DNAJC10: variants seen among roughly 807,000 people sequenced by gnomAD.
DNAJC10 encodes DnaJ heat shock protein family (Hsp40) member C10.
Under a neutral mutation model 115.0 loss-of-function variants are expected in DNAJC10, and 101 were observed. The ratio of observed to expected loss-of-function variants is 0.88; its 90% CI spans 0.75 to 1.04. The LOEUF (loss-of-function observed/expected upper bound fraction) is 1.04. Ranked by LOEUF, DNAJC10 falls within the 50% of genes least tolerant of loss-of-function variation. The pLI is 0.00. For synonymous variants in DNAJC10, 307 were observed against 301.5 expected, an observed-to-expected ratio of 1.02 and a Z score of -0.19; for missense variants, 981 against 928.8, an observed-to-expected ratio of 1.06 and a Z score of -0.73.
chr2:182,730,902 T>G (rs920653509), intron 8 of DNAJC10, 128 bp from the exon 9 acceptor site: 2 of 587,982 alleles, frequency 3.4e-6, no homozygotes, highest in Admixed American at 6.9e-5. Context: ...TTTGGAAAGA[T>G]AACTGGTAAA....
At chr2:182,728,806 G>A in intron 6 of DNAJC10, 57 bp from the exon 7 acceptor site, 1 of 1,594,072 alleles carries the variant, frequency 6.3e-7, no homozygotes, top group Non-Finnish European at 8.6e-7. Flanking sequence ...CTTGGAGTGT[G>A]TTCAAGGGAA....
chr2:182,759,023 C>T (rs1000324934), intron 20 of DNAJC10, 133 bp downstream of exon 20: 5 of 1,028,284 alleles, frequency 4.9e-6, no homozygotes, highest in African/African-American at 1.6e-5. Flanking sequence ...ATTATATTAA[C>T]CAAGATAGTA....
chr2:182,768,884 G>C (rs1694484663), intron 22 of DNAJC10, among the ~76,000 whole-genome samples: 1 of 152,162 alleles, frequency 6.6e-6, no homozygotes, highest in Non-Finnish European at 1.5e-5. Flanking sequence ...GTGCAGGTTT[G>C]ATACATAGGT....
intron 6 of DNAJC10, 58 bp from the exon 7 acceptor site, chr2:182,728,805 T>C: frequency 1.3e-6 from 2 of 1,581,508 alleles, no homozygotes; most frequent in Non-Finnish European, 1.7e-6. Flanking sequence ...GCTTGGAGTG[T>C]GTTCAAGGGA....
chr2:182,717,986 A>G lies in DNAJC10; in HGVS notation c.-101A>G, dbSNP rs1383002595. ...ATTTGTGATGCTTGATTCACCCTTG[A>G]AGTAATGTAGACAGAAGTTCTCAAA... On this transcript the variant is annotated 5_prime_UTR_variant, in exon 3 of 24. Transcript: ENST00000264065. 1 of 754,372 alleles carries G rather than the reference A, an allele frequency of 1.3e-6. No homozygotes were observed. The highest frequency in any genetic ancestry group is 2.7e-5 in the East Asian group (1 of 36,658). The allele number at this position is 754,372 out of a possible 1,614,324, so 46.7% of individuals were successfully genotyped here.
chr2:182,750,552 T>A (rs1025668796), intron 14 of DNAJC10, among the ~76,000 whole-genome samples: 4 of 152,162 alleles, frequency 2.6e-5, no homozygotes. Context: ...AGACGTCTTC[T>A]GAGAAATGTG....
chr2:182,718,573 T>C (rs973878708), intron 3 of DNAJC10, among the ~76,000 whole-genome samples: 4 of 152,216 alleles, frequency 2.6e-5, no homozygotes, highest in African/African-American at 4.8e-5. Context: ...ATCCGTGAAG[T>C]AGTTGAAGTA....
intron 14 of DNAJC10, among the ~76,000 whole-genome samples, chr2:182,749,504 G>T: frequency 1.3e-5 from 2 of 148,578 alleles, no homozygotes; most frequent in Non-Finnish European, 1.5e-5. Flanking sequence ...TTTTCCATTT[G>T]CTTGGTAGAT....
rs113390501 is a variant in DNAJC10 at position 182,734,735 on chromosome 2, G to A, written c.850-1514G>A. 3.3e-5 allele frequency among the ~76,000 whole-genome samples: 5 copies of A among 151,624 alleles called. 1 individual carries two copies. The highest frequency in any genetic ancestry group is 1.2e-4 in the African/African-American group (5 of 41,436). On this transcript the variant is annotated intron_variant, in intron 10 of 23. Transcript: ENST00000264065. The stretch of plus-strand genomic sequence containing the variant: ...GTCAATTTTTATTATCTATTTTGAT[G>A]CTTTGTTATTAGATGGATATTAATT...
rs904885606 is a variant in DNAJC10, at chr2:182,783,497, G to C, written c.*6365G>C. 6.6e-6 allele frequency: 1 copy of C among 152,062 alleles called. No homozygotes were observed. The highest frequency in any genetic ancestry group is 1.9e-4 in the East Asian group (1 of 5,202). The allele number at this position is 152,062 out of a possible 1,614,324, so 9.4% of individuals were successfully genotyped here. A position where few individuals can be genotyped will look rare whatever the true frequency, so the allele number is the denominator to read the frequency against. On this transcript the variant is annotated 3_prime_UTR_variant, in exon 24 of 24. Coordinates refer to ENST00000264065, the MANE Select transcript of DNAJC10 (RefSeq NM_018981.4). ...AGTAATAAAATGAAACAATTTGTTG[G>C]CTTTAATGTATTTAGGAAAAATCAT...
At chr2:182,719,257 T>C (rs1361193477) in intron 3 of DNAJC10, among the ~76,000 whole-genome samples, 3 of 142,926 alleles carry the variant, frequency 2.1e-5, no homozygotes, top group Non-Finnish European at 4.6e-5. Context: ...TTTCTTTTTT[T>C]TTTTTTTTTT....
rs750434927 is a variant in DNAJC10, at chr2:182,718,164, G to A, written c.78G>A (p.Met26Ile). ...TTCTCTGTTTTCTGATAGTGTATATGGCCATTTTAGTGGGCACAGATCAGG... is the reference window on the plus strand; with the variant it reads ...TTCTCTGTTTTCTGATAGTGTATATAGCCATTTTAGTGGGCACAGATCAGG... Reference protein sequence around the residue: ...RIILCFLIVYMAILVGTDQDF... With the variant: ...RIILCFLIVYIAILVGTDQDF... Residue 26 changes from methionine to isoleucine, a missense_variant, in exon 3 of 24, where the codon ATG becomes ATA. Physicochemically the swap from Met to Ile is conservative, Grantham distance 10 (BLOSUM62 1). Transcript: ENST00000264065. The A allele has an allele frequency of 6.2e-7, 1 of 1,613,472 alleles. No individual in the cohort carries two copies. The highest frequency in any genetic ancestry group is 2.2e-5 in the East Asian group (1 of 44,764).
At chr2:182,736,624 T>C (rs1337450984) in intron 11 of DNAJC10, among the ~76,000 whole-genome samples, 6 of 152,358 alleles carry the variant, frequency 3.9e-5, no homozygotes, top group African/African-American at 1.2e-4. Context: ...TCATTACATC[T>C]TTACATTTAA....
Position 182,767,879 on chromosome 2 carries a change from C to T in DNAJC10, c.2265+5078C>T, listed in dbSNP as rs75231117. Among the ~76,000 whole-genome samples, 420 of 152,196 alleles carry T rather than the reference C, an allele frequency of 2.8e-3. 4 individuals are homozygous for T. Among genetic ancestry groups the T allele is most frequent in the African/African-American group, 9.6e-3 (398 of 41,538 alleles). On this transcript the variant is annotated intron_variant, in intron 22 of 23. Coordinates refer to ENST00000264065, the MANE Select transcript of DNAJC10 (RefSeq NM_018981.4). ...CCTTATCATACTACACACTACACTC[C>T]GTATCCTGTTTTTAGGGTCAAGGAG...
At chr2:182,750,505 G>A (rs1312902065) in intron 14 of DNAJC10, among the ~76,000 whole-genome samples, 2 of 152,130 alleles carry the variant, frequency 1.3e-5, no homozygotes, top group Non-Finnish European at 2.9e-5. Context: ...AAATAACACA[G>A]CCTCAATTTG....
chr2:182,723,616 AT>A (rs761931231), intron 5 of DNAJC10, among the ~76,000 whole-genome samples: 11 of 152,132 alleles, frequency 7.2e-5, no homozygotes, highest in Non-Finnish European at 1.6e-4. Context: ...TGTGGTTTTT[AT>A]TGTCTCTCAT....
intron 16 of DNAJC10, chr2:182,752,456 A>T: frequency 2.6e-6 from 1 of 379,948 alleles, no homozygotes; most frequent in Non-Finnish European, 3.8e-6. Context: ...TAAAATGCTT[A>T]TATGATTTTC....
At chr2:182,738,127 A>G (rs1693632685) in intron 11 of DNAJC10, among the ~76,000 whole-genome samples, 1 of 152,192 alleles carries the variant, frequency 6.6e-6, no homozygotes. Flanking sequence ...GTCACTGACT[A>G]GATGTGACAT....
intron 21 of DNAJC10, among the ~76,000 whole-genome samples, chr2:182,759,518 ACAT>A (rs1395650730): frequency 6.6e-6 from 1 of 152,168 alleles, no homozygotes; most frequent in African/African-American, 2.4e-5. Context: ...ATCTTGGTAG[ACAT>A]CATCATCTAC....
Sources: allele counts gnomAD v4.1 joint callset (sites outside exome capture counted in the v4.1 genomes callset), GRCh38; gene constraint gnomAD v4.1.1; transcripts MANE v1.5; gene names NCBI Gene and HGNC (gene_info 2026-07-23, HGNC 2026-07-21).